RARB: variants seen among roughly 807,000 people sequenced by gnomAD.
RARB encodes retinoic acid receptor beta, also known as HBV-activated protein.
In RARB, 17 loss-of-function variants were observed where a neutral mutation model predicts 51.9. The observed-to-expected ratio is 0.33, with a 90% CI of 0.22 to 0.49. The LOEUF (loss-of-function observed/expected upper bound fraction) is 0.49, where lower values mean the gene tolerates loss of function less well. RARB is among the 20% of genes least tolerant of loss of function. The pLI, the probability that RARB is intolerant of heterozygous loss-of-function variation, is 0.99. For missense variants in RARB, 369 were observed against 550.8 expected (o/e 0.67, Z 3.30); for synonymous variants, 215 against 195.4 (o/e 1.10, Z -0.84).
At chr3:25,335,323 A>G (rs536882954) in intron 5 of RARB, among the ~76,000 whole-genome samples, 1 of 152,330 alleles carries the variant, frequency 6.6e-6, no homozygotes, top group African/African-American at 2.4e-5. Context: ...AGGCCATCCT[A>G]AGTGCCTAGA....
chr3:25,401,382 A>T (rs1026295249), intron 5 of RARB, among the ~76,000 whole-genome samples: 4 of 152,326 alleles, frequency 2.6e-5, no homozygotes, highest in Non-Finnish European at 5.9e-5. Flanking sequence ...TAGAGCCTTT[A>T]TAATTTTTCA....
chr3:25,058,020 T>C (rs1457828577), intron 2 of RARB, among the ~76,000 whole-genome samples: 3 of 152,010 alleles, frequency 2.0e-5, no homozygotes, highest in Non-Finnish European at 4.4e-5. Flanking sequence ...TATTGAATTA[T>C]GTACTGCACT....
intron 2 of RARB, among the ~76,000 whole-genome samples, chr3:24,860,134 G>T (rs555605774): frequency 1.3e-5 from 2 of 152,104 alleles, no homozygotes; most frequent in Non-Finnish European, 2.9e-5. Flanking sequence ...CAAAATGAAC[G>T]GGGCCCATGT....
intron 5 of RARB, among the ~76,000 whole-genome samples, chr3:25,206,380 C>T (rs1048841576): frequency 1.3e-5 from 2 of 152,148 alleles, no homozygotes; most frequent in African/African-American, 2.4e-5. Flanking sequence ...ACTCAGGTGA[C>T]ATTTTAAAAT....
At chr3:25,482,692 A>G (rs1229895666) in intron 2 of RARB, among the ~76,000 whole-genome samples, 1 of 151,520 alleles carries the variant, frequency 6.6e-6, no homozygotes, top group Non-Finnish European at 1.5e-5. Context: ...GGCGCGTGCC[A>G]CCATGCCCGG....
At chr3:25,293,576 C>T (rs1703839700) in intron 5 of RARB, among the ~76,000 whole-genome samples, 1 of 121,666 alleles carries the variant, frequency 8.2e-6, no homozygotes, top group Non-Finnish European at 1.7e-5. Context: ...AAGAATTTCC[C>T]GAGGCTAGAG....
At chr3:24,881,275 G>C (rs1703153522) in intron 2 of RARB, among the ~76,000 whole-genome samples, 1 of 152,068 alleles carries the variant, frequency 6.6e-6, no homozygotes, top group Admixed American at 6.6e-5. Context: ...GTTTCAGGTA[G>C]TATCTTTATA....
At chr3:25,302,857 T>C (rs533659596) in intron 5 of RARB, among the ~76,000 whole-genome samples, 10 of 152,240 alleles carry the variant, frequency 6.6e-5, no homozygotes, top group South Asian at 2.1e-4. Flanking sequence ...GTTCCACTTA[T>C]CCACACTTTT....
At chr3:25,409,864 A>G (rs935201752) in intron 5 of RARB, among the ~76,000 whole-genome samples, 1 of 152,232 alleles carries the variant, frequency 6.6e-6, no homozygotes, top group Non-Finnish European at 1.5e-5. Context: ...CCTCCCAGGA[A>G]TCCTTCAGTG....
chr3:25,364,874 A>G (rs1297752039), intron 5 of RARB, among the ~76,000 whole-genome samples: 1 of 152,210 alleles, frequency 6.6e-6, no homozygotes, highest in Admixed American at 6.5e-5. Flanking sequence ...TATGAAAGAT[A>G]TCGTTAAGTA....
At chr3:25,192,076 A>T (rs926339789) in intron 5 of RARB, among the ~76,000 whole-genome samples, 2 of 152,140 alleles carry the variant, frequency 1.3e-5, no homozygotes, top group African/African-American at 4.8e-5. Context: ...TCAAAATCTA[A>T]TATTTACATG....
At chr3:25,038,077 A>C (rs1698034344) in intron 2 of RARB, among the ~76,000 whole-genome samples, 1 of 152,192 alleles carries the variant, frequency 6.6e-6, no homozygotes, top group Admixed American at 6.5e-5. Context: ...CTTAGCTATT[A>C]ACTGTCATGC....
intron 5 of RARB, among the ~76,000 whole-genome samples, chr3:25,201,642 C>A (rs527474265): frequency 1.3e-5 from 2 of 151,902 alleles, no homozygotes; most frequent in Non-Finnish European, 2.9e-5. Flanking sequence ...TAGCATGAAG[C>A]GTTGTTGAGT....
In RARB at chr3:25,336,379, T is replaced by C. The variant is rs140920086; in HGVS notation, c.179-124814T>C. On this transcript the variant is annotated intron_variant, in intron 5 of 11. Coordinates refer to the RARB transcript ENST00000383772. ...CAGATAACTTCAGTACTTACTATTT[T>C]CTAATATTTTAGGTGCTTTTAGAGT... Among the ~76,000 whole-genome samples the C allele has an allele frequency of 6.0e-3, 917 of 152,328 alleles. 7 individuals are homozygous for C. Among genetic ancestry groups the C allele is most frequent in the Middle Eastern group, 0.027 (8 of 294 alleles).
intron 3 of RARB, among the ~76,000 whole-genome samples, chr3:25,541,093 A>G (rs978581679): frequency 1.3e-5 from 2 of 152,228 alleles, no homozygotes; most frequent in East Asian, 3.9e-4. Context: ...ATGCCTATTC[A>G]TTTATACTCA....
intron 5 of RARB, among the ~76,000 whole-genome samples, chr3:25,318,948 C>T (rs1704494833): frequency 6.6e-6 from 1 of 152,182 alleles, no homozygotes; most frequent in Admixed American, 6.6e-5. Flanking sequence ...GATAGTAACT[C>T]ATGCTCTGTC....
chr3:25,251,041 T>A (rs1385608917), intron 5 of RARB, among the ~76,000 whole-genome samples: 1 of 152,172 alleles, frequency 6.6e-6, no homozygotes, highest in Non-Finnish European at 1.5e-5. Context: ...CTGAAAGTGT[T>A]CTCTGTTAGG....
chr3:25,434,961 C>A (rs2125520720), intron 1 of RARB, among the ~76,000 whole-genome samples: 1 of 152,284 alleles, frequency 6.6e-6, no homozygotes, highest in African/African-American at 2.4e-5. Flanking sequence ...CCCCTTTTTC[C>A]TTCTTCCCTT....
At chr3:25,091,703 T>C (rs1699202685) in intron 3 of RARB, among the ~76,000 whole-genome samples, 1 of 152,136 alleles carries the variant, frequency 6.6e-6, no homozygotes, top group African/African-American at 2.4e-5. Flanking sequence ...GTTGGATACA[T>C]TTAAAAGCAT....
Sources: gnomAD v4.1 joint callset for allele counts (sites outside exome capture counted in the v4.1 genomes callset) on GRCh38, gnomAD v4.1.1 for gene constraint, MANE v1.5 for transcripts, NCBI Gene and HGNC (gene_info 2026-07-23, HGNC 2026-07-21) for gene names.